MRPL42: variants seen among roughly 807,000 people sequenced by gnomAD.
MRPL42 encodes mitochondrial ribosomal protein L42.
In MRPL42, 17 loss-of-function variants were observed where a neutral mutation model predicts 17.9. The observed-to-expected ratio is 0.95, with a 90% confidence interval of 0.65 to 1.42. The LOEUF (loss-of-function observed/expected upper bound fraction) is 1.42, where lower values mean the gene tolerates loss of function less well. MRPL42 is among the 40% of genes most tolerant of loss of function. The probability of loss-of-function intolerance (pLI) is 0.00; values close to 1 mark genes in which losing one functional copy is unlikely to be tolerated. For synonymous variants in MRPL42, 59 were observed against 54.4 expected (o/e 1.08, Z -0.37); for missense variants, 177 against 175.2 (o/e 1.01, Z -0.06).
rs141372012 is a variant in MRPL42 at position 93,487,953 on chromosome 12, C to T, written c.383+293C>T. On this transcript the variant is annotated intron_variant, in intron 5 of 5. Coordinates refer to ENST00000549982, the MANE Select transcript of MRPL42 (RefSeq NM_014050.4). Reference sequence around the variant, plus strand: ...CTAGTACTACAGGCATGTGCCACCACACCTGGCTAATTTTGTTCTTTTTTT... The same window carrying T: ...CTAGTACTACAGGCATGTGCCACCATACCTGGCTAATTTTGTTCTTTTTTT... 639 of 260,968 alleles carry T rather than the reference C, an allele frequency of 2.4e-3. 4 individuals carry two copies. Among genetic ancestry groups the T allele is most frequent in the African/African-American group, 0.013 (575 of 43,362 alleles). 16.2% of individuals were successfully genotyped at this position (260,968 alleles called of 1,614,324 possible).
At position 93,506,496 on chromosome 12, in the gene MRPL42, C is replaced by T. The variant is rs575175648; in HGVS notation, c.*5275C>T. 6.6e-6 allele frequency: 1 copy of T among 152,204 alleles called. No individual in the cohort carries two copies. The highest frequency in any genetic ancestry group is 2.4e-5 in the African/African-American group (1 of 41,522). The allele number at this position is 152,204 out of a possible 1,614,324, so 9.4% of individuals were successfully genotyped here. On this transcript the variant is annotated 3_prime_UTR_variant, in exon 6 of 6. Coordinates refer to ENST00000549982, the MANE Select transcript of MRPL42 (RefSeq NM_014050.4). ...GTCAGGCTGGTCTCAAACTCCTGAC[C>T]TCAGGTGATCCACCTGCTTTCGCCT...
intron 4 of MRPL42, among the ~76,000 whole-genome samples, chr12:93,484,440 GT>G (rs1880609236): frequency 6.6e-6 from 1 of 152,090 alleles, no homozygotes; most frequent in Non-Finnish European, 1.5e-5. Flanking sequence ...TGGCAGTGCA[GT>G]TGGTTTGTTT....
intron 2 of MRPL42, among the ~76,000 whole-genome samples, chr12:93,475,488 A>C (rs1372759129): frequency 6.6e-6 from 1 of 152,128 alleles, no homozygotes; most frequent in Non-Finnish European, 1.5e-5. Flanking sequence ...GACATGGTAA[A>C]GGCATGGAGA....
rs1953656809 is a variant in MRPL42, at chr12:93,505,263, T to G, written c.*4042T>G. 6.6e-6 allele frequency: 1 copy of G among 152,142 alleles called. No individual in the cohort carries two copies. Among genetic ancestry groups the G allele is most frequent in the Non-Finnish European group, 1.5e-5 (1 of 68,018 alleles). 9.4% of individuals were successfully genotyped at this position (152,142 alleles called of 1,614,324 possible). A position where few individuals can be genotyped will look rare whatever the true frequency, so the allele number is the denominator to read the frequency against. On this transcript the variant is annotated 3_prime_UTR_variant, in exon 6 of 6. Transcript: ENST00000549982. ...GCATCTTCAATTAGATTCCAAAAAT[T>G]TTTAAGAAAAAAAGATATAATGTGC... is the stretch of plus-strand genomic sequence containing the variant.
intron 4 of MRPL42, among the ~76,000 whole-genome samples, chr12:93,485,609 A>G (rs922770874): frequency 6.6e-6 from 1 of 152,160 alleles, no homozygotes; most frequent in Non-Finnish European, 1.5e-5. Context: ...TTTTCATTGT[A>G]TTATAATACA....
chr12:93,497,877 A>G (rs1316839911), intron 5 of MRPL42, among the ~76,000 whole-genome samples: 1 of 150,308 alleles, frequency 6.7e-6, no homozygotes, highest in Non-Finnish European at 1.5e-5. Flanking sequence ...GCCTACAACT[A>G]CCTACATGAT....
At chr12:93,471,114 A>T (rs1879888562) in intron 2 of MRPL42, among the ~76,000 whole-genome samples, 1 of 152,256 alleles carries the variant, frequency 6.6e-6, no homozygotes, top group Non-Finnish European at 1.5e-5. Context: ...TATTTTACTC[A>T]GTAAACACCT....
At chr12:93,475,301 A>G (rs568568102) in intron 2 of MRPL42, among the ~76,000 whole-genome samples, 9 of 151,848 alleles carry the variant, frequency 5.9e-5, no homozygotes, top group South Asian at 2.1e-4. Flanking sequence ...TTTTTAATAG[A>G]GAGGGGGTTT....
chr12:93,471,833 T>C (rs1879925192), intron 2 of MRPL42, among the ~76,000 whole-genome samples: 2 of 152,206 alleles, frequency 1.3e-5, no homozygotes, highest in Admixed American at 1.3e-4. Flanking sequence ...ATTTTTGTTG[T>C]TGAGAATTGG....
Position 93,506,745 on chromosome 12 carries a change from C to T in MRPL42, c.*5524C>T, listed in dbSNP as rs1369457799. The T allele has an allele frequency of 6.6e-6, 1 of 152,178 alleles. No homozygotes were observed. The highest frequency in any genetic ancestry group is 1.5e-5 in the Non-Finnish European group (1 of 68,046). The allele number at this position is 152,178 out of a possible 1,614,324, so 9.4% of individuals were successfully genotyped here. On this transcript the variant is annotated 3_prime_UTR_variant, in exon 6 of 6. Coordinates refer to ENST00000549982, the MANE Select transcript of MRPL42 (RefSeq NM_014050.4). ...CTAGTCAAAATTAGTCTCTTCTTCA[C>T]TCATAATGCAAAGTACATTGGATTA...
At position 93,470,591 on chromosome 12, in the gene MRPL42, G is replaced by A. The variant is rs1336657803; in HGVS notation, c.70+1236G>A. 4.1e-6 allele frequency: 5 copies of A among 1,224,310 alleles called. No homozygotes were observed. In the African/African-American group the frequency reaches 7.8e-5, roughly 19 times the overall value. 75.8% of individuals were successfully genotyped at this position (1,224,310 alleles called of 1,614,324 possible). A position where few individuals can be genotyped will look rare whatever the true frequency, so the allele number is the denominator to read the frequency against. ...AAATAGTGAACATAGTACCCAATAG[G>A]TAGTTTTTCAACTCTTCCCTCCATC... is the stretch of plus-strand genomic sequence containing the variant. On this transcript the variant is annotated intron_variant, in intron 2 of 5. Coordinates refer to ENST00000549982, the MANE Select transcript of MRPL42 (RefSeq NM_014050.4).
At chr12:93,478,134 T>A (rs1293598614) in intron 3 of MRPL42, among the ~76,000 whole-genome samples, 2 of 151,968 alleles carry the variant, frequency 1.3e-5, no homozygotes, top group Non-Finnish European at 2.9e-5. Context: ...TTGTGTATTT[T>A]TTGTAGAAAC....
intron 2 of MRPL42, among the ~76,000 whole-genome samples, chr12:93,475,964 G>A (rs1489515073): frequency 6.6e-6 from 1 of 152,042 alleles, no homozygotes; most frequent in African/African-American, 2.4e-5. Flanking sequence ...CTGGGAGACA[G>A]AGCAAGACTC....
intron 4 of MRPL42, 83 bp downstream of exon 4, chr12:93,479,555 G>A (rs910728758): frequency 2.7e-6 from 2 of 736,750 alleles, no homozygotes; most frequent in Non-Finnish European, 2.1e-6. Flanking sequence ...AAAGAAGGGA[G>A]TCATCTGATT....
intron 4 of MRPL42, among the ~76,000 whole-genome samples, chr12:93,481,618 A>T (rs1021748535): frequency 1.4e-4 from 22 of 152,064 alleles, no homozygotes; most frequent in African/African-American, 5.1e-4. Context: ...TTCAATATCC[A>T]TGTAGGTGAT....
chr12:93,471,741 C>A (rs1479470298), intron 2 of MRPL42, among the ~76,000 whole-genome samples: 1 of 152,122 alleles, frequency 6.6e-6, no homozygotes, highest in Admixed American at 6.6e-5. Flanking sequence ...GTAAATAGAA[C>A]AGGACATTGC....
chr12:93,467,845 C>G (rs1879707176), intron 1 of MRPL42, among the ~76,000 whole-genome samples: 2 of 152,174 alleles, frequency 1.3e-5, no homozygotes, highest in African/African-American at 2.4e-5. Flanking sequence ...GTTCCTCAAA[C>G]CTCTGACCCT....
rs146679620 is a variant in MRPL42, at chr12:93,478,938, A to T, written c.135-450A>T. ...TATTTATTTATTTATTTATTTATTT[A>T]TTTATTTTTTTGAGATGGAGTCTCA... On this transcript the variant is annotated intron_variant, in intron 3 of 5. Coordinates refer to ENST00000549982, the MANE Select transcript of MRPL42 (RefSeq NM_014050.4). Among the ~76,000 whole-genome samples, 730 of 79,834 alleles carry T rather than the reference A, an allele frequency of 9.1e-3. 8 individuals are homozygous for T. Among genetic ancestry groups the T allele is most frequent in the African/African-American group, 0.015 (480 of 32,212 alleles). The allele number at this position is 79,834 out of a possible 152,430, so 52.4% of individuals were successfully genotyped here. A position where few individuals can be genotyped will look rare whatever the true frequency, so the allele number is the denominator to read the frequency against.
intron 5 of MRPL42, among the ~76,000 whole-genome samples, chr12:93,488,859 CTT>C (rs939714923): frequency 9.8e-5 from 14 of 142,346 alleles, no homozygotes; most frequent in Non-Finnish European, 9.3e-5. Flanking sequence ...ACTTTTTTTT[CTT>C]TTTTTTTTTT....
Sources: gnomAD v4.1 joint callset for allele counts (sites outside exome capture counted in the v4.1 genomes callset) on GRCh38, gnomAD v4.1.1 for gene constraint, MANE v1.5 for transcripts, NCBI Gene and HGNC (gene_info 2026-07-23, HGNC 2026-07-21) for gene names.